IGF2BP2: variants seen among roughly 807,000 people sequenced by gnomAD.
The protein encoded by IGF2BP2 is insulin-like growth factor 2 mRNA-binding protein 2.
In IGF2BP2, 17 loss-of-function variants were observed where a neutral mutation model predicts 75.8. The ratio of observed to expected loss-of-function variants is 0.22; its 90% CI spans 0.15 to 0.34. The LOEUF (loss-of-function observed/expected upper bound fraction) is 0.34, where lower values mean the gene tolerates loss of function less well. Ranked by LOEUF, IGF2BP2 falls within the 10% of genes least tolerant of loss-of-function variation. The pLI is 1.00. For synonymous variants in IGF2BP2, 288 were observed against 295.6 expected, an observed-to-expected ratio of 0.97 and a Z score of 0.26; for missense variants, 516 against 772.4, an observed-to-expected ratio of 0.67 and a Z score of 3.93.
intron 2 of IGF2BP2, among the ~76,000 whole-genome samples, chr3:185,725,312 G>A (rs1422231583): frequency 6.6e-6 from 1 of 152,220 alleles, no homozygotes; most frequent in Admixed American, 6.5e-5. Context: ...AGGTTTGAAA[G>A]TGGTGAAAAA....
chr3:185,772,835 GC>G, intron 2 of IGF2BP2, among the ~76,000 whole-genome samples: 1 of 152,082 alleles, frequency 6.6e-6, no homozygotes, highest in Non-Finnish European at 1.5e-5. Context: ...ACCCACCTCA[GC>G]CTCCCAAAGT....
intron 6 of IGF2BP2, among the ~76,000 whole-genome samples, chr3:185,688,787 C>T (rs1721503029): frequency 6.6e-6 from 1 of 152,244 alleles, no homozygotes; most frequent in South Asian, 2.1e-4. Flanking sequence ...TGCTTTATTA[C>T]ATCATGCTAC....
chr3:185,759,693 AG>A (rs1290397880), intron 2 of IGF2BP2, among the ~76,000 whole-genome samples: 1 of 152,252 alleles, frequency 6.6e-6, no homozygotes, highest in Non-Finnish European at 1.5e-5. Context: ...CATGTGACTT[AG>A]AGCCAGCACC....
At chr3:185,773,864 G>A (rs1322100221) in intron 2 of IGF2BP2, among the ~76,000 whole-genome samples, 2 of 152,148 alleles carry the variant, frequency 1.3e-5, no homozygotes, top group Non-Finnish European at 2.9e-5. Flanking sequence ...AAAAGCCCTT[G>A]TGCCACATTT....
chr3:185,663,141 C>A (rs2149135276), intron 10 of IGF2BP2, among the ~76,000 whole-genome samples: 1 of 152,312 alleles, frequency 6.6e-6, no homozygotes, highest in South Asian at 2.1e-4. Flanking sequence ...TGGTTCAAGT[C>A]CCTGAGGGAT....
chr3:185,763,424 G>A lies in IGF2BP2; in HGVS notation c.239+59729C>T, dbSNP rs539997920. Among the ~76,000 whole-genome samples, 8 of 152,226 alleles carry A rather than the reference G, an allele frequency of 5.3e-5. No individual in the cohort carries two copies. In the South Asian group the frequency reaches 1.5e-3, roughly 28 times the overall value. On this transcript the variant is annotated intron_variant, in intron 2 of 15. Coordinates refer to ENST00000382199, the MANE Select transcript of IGF2BP2 (RefSeq NM_006548.6). ...TTCTCCTGCGACTTAAGCATTTATG[G>A]ATATACTCAGCATTATATTCATAAT...
chr3:185,651,517 G>A (rs1714597982), intron 13 of IGF2BP2, among the ~76,000 whole-genome samples: 1 of 152,080 alleles, frequency 6.6e-6, no homozygotes, highest in African/African-American at 2.4e-5. Flanking sequence ...CCCTGGCTGA[G>A]GCTATTGCTT....
intron 2 of IGF2BP2, among the ~76,000 whole-genome samples, chr3:185,734,814 G>A (rs1728642185): frequency 6.6e-6 from 1 of 152,168 alleles, no homozygotes; most frequent in Admixed American, 6.5e-5. Context: ...AGAGGTCAAG[G>A]ATTTTGGAGT....
At chr3:185,784,543 A>G (rs1735620216) in intron 2 of IGF2BP2, among the ~76,000 whole-genome samples, 1 of 152,222 alleles carries the variant, frequency 6.6e-6, no homozygotes, top group African/African-American at 2.4e-5. Flanking sequence ...GAGCAGCTAC[A>G]GAGCTGGGTA....
At chr3:185,769,281 T>G (rs1267896606) in intron 2 of IGF2BP2, among the ~76,000 whole-genome samples, 1 of 149,302 alleles carries the variant, frequency 6.7e-6, no homozygotes, top group Non-Finnish European at 1.5e-5. Context: ...GCCCCTCGAG[T>G]TTGAGGTTGC....
intron 2 of IGF2BP2, among the ~76,000 whole-genome samples, chr3:185,788,337 T>C (rs1022180040): frequency 2.6e-5 from 4 of 152,104 alleles, no homozygotes; most frequent in South Asian, 2.1e-4. Flanking sequence ...CTGAGCAATA[T>C]AGGGAGACTT....
chr3:185,693,247 A>C (rs1722183728), intron 4 of IGF2BP2: 1 of 152,568 alleles, frequency 6.6e-6, no homozygotes, highest in South Asian at 2.1e-4. Flanking sequence ...ACAGAAGAAA[A>C]GTAATGCAGT....
intron 2 of IGF2BP2, among the ~76,000 whole-genome samples, chr3:185,769,801 G>A (rs1433270831): frequency 1.3e-3 from 170 of 130,556 alleles, no homozygotes; most frequent in African/African-American, 4.8e-3. Context: ...CTGCACTCCC[G>A]CCTGGATGAT....
At chr3:185,669,901 G>A (rs559132985) in intron 10 of IGF2BP2, among the ~76,000 whole-genome samples, 10 of 152,334 alleles carry the variant, frequency 6.6e-5, no homozygotes, top group African/African-American at 2.4e-4. Context: ...AAGCCCACAG[G>A]TCTGCGGTGT....
At chr3:185,798,033 C>T (rs764333591) in intron 2 of IGF2BP2, among the ~76,000 whole-genome samples, 2 of 151,712 alleles carry the variant, frequency 1.3e-5, no homozygotes, top group Non-Finnish European at 2.9e-5. Context: ...GAAATCCCAT[C>T]TCTATTAAGA....
At chr3:185,692,301 G>A (rs941999163) in intron 5 of IGF2BP2, among the ~76,000 whole-genome samples, 2 of 152,200 alleles carry the variant, frequency 1.3e-5, no homozygotes, top group African/African-American at 4.8e-5. Flanking sequence ...GAAGCTCTAG[G>A]TAAAAGTGGT....
At chr3:185,669,717 C>A (rs536197792) in intron 10 of IGF2BP2, among the ~76,000 whole-genome samples, 1 of 152,258 alleles carries the variant, frequency 6.6e-6, no homozygotes, top group Admixed American at 6.5e-5. Context: ...AGCATCAGAA[C>A]TTTGTGATAT....
chr3:185,657,124 A>G (rs1715565688), intron 12 of IGF2BP2, among the ~76,000 whole-genome samples, 162 bp downstream of exon 12: 1 of 152,202 alleles, frequency 6.6e-6, no homozygotes, highest in South Asian at 2.1e-4. Flanking sequence ...TAAGAAAAGG[A>G]AAGATGAGAG....
chr3:185,745,791 AG>A (rs1370198815), intron 2 of IGF2BP2, among the ~76,000 whole-genome samples: 5 of 145,314 alleles, frequency 3.4e-5, no homozygotes, highest in Non-Finnish European at 3.1e-5. Context: ...GCTGCCCAAC[AG>A]GTTGAAATAT....
Sources: allele counts gnomAD v4.1 joint callset (sites outside exome capture counted in the v4.1 genomes callset), GRCh38; gene constraint gnomAD v4.1.1; transcripts MANE v1.5; gene names NCBI Gene and HGNC (gene_info 2026-07-23, HGNC 2026-07-21).